FAM135B: variants seen among roughly 807,000 people sequenced by gnomAD.
The protein encoded by FAM135B is family with sequence similarity 135 member B, also known as protein FAM135B.
FAM135B carries 43 observed loss-of-function variants against 127.7 expected under a neutral mutation model. The ratio of observed to expected loss-of-function variants is 0.34; its 90% confidence interval spans 0.26 to 0.43. The LOEUF (loss-of-function observed/expected upper bound fraction) is 0.43, where lower values mean the gene tolerates loss of function less well. FAM135B is among the 20% of genes least tolerant of loss of function. The pLI, the probability that FAM135B is intolerant of heterozygous loss-of-function variation, is 1.00. For synonymous variants in FAM135B, 670 were observed against 665.1 expected (o/e 1.01, Z -0.11); for missense variants, 1,558 against 1,725.6 (o/e 0.90, Z 1.72).
At chr8:138,307,236 G>T (rs899531080) in intron 3 of FAM135B, among the ~76,000 whole-genome samples, 5 of 152,158 alleles carry the variant, frequency 3.3e-5, no homozygotes, top group Non-Finnish European at 7.4e-5. Flanking sequence ...TTAAAAAGAG[G>T]AGTTCTCCTA....
chr8:138,415,813 A>T (rs1834112037), intron 1 of FAM135B, among the ~76,000 whole-genome samples: 1 of 152,148 alleles, frequency 6.6e-6, no homozygotes. Context: ...AGTTGCTCTG[A>T]TCCTTCACAT....
At chr8:138,201,694 T>A (rs1817133190) in intron 7 of FAM135B, among the ~76,000 whole-genome samples, 1 of 152,062 alleles carries the variant, frequency 6.6e-6, no homozygotes, top group Non-Finnish European at 1.5e-5. Flanking sequence ...TTAGCAACAC[T>A]CTTCAGCAAT....
chr8:138,457,268 T>C (rs1836840005), intron 1 of FAM135B, among the ~76,000 whole-genome samples: 2 of 151,922 alleles, frequency 1.3e-5, no homozygotes, highest in Non-Finnish European at 2.9e-5. Context: ...TCTCCAACAC[T>C]GAGCAGGAGT....
At chr8:138,183,932 C>T (rs1161128872) in intron 9 of FAM135B, among the ~76,000 whole-genome samples, 1 of 152,202 alleles carries the variant, frequency 6.6e-6, no homozygotes, top group Non-Finnish European at 1.5e-5. Context: ...ATAAATAGAA[C>T]TCAGTCCCTT....
chr8:138,455,175 C>T (rs1310983926), intron 1 of FAM135B, among the ~76,000 whole-genome samples: 3 of 152,132 alleles, frequency 2.0e-5, no homozygotes, highest in Admixed American at 6.5e-5. Context: ...ATGTTGCTGG[C>T]ACATAGGACC....
chr8:138,346,617 T>A (rs1235394312), intron 2 of FAM135B, among the ~76,000 whole-genome samples: 1 of 151,888 alleles, frequency 6.6e-6, no homozygotes, highest in East Asian at 1.9e-4. Context: ...AGCTGAGCAA[T>A]GAGAACACAT....
intron 7 of FAM135B, among the ~76,000 whole-genome samples, chr8:138,223,409 C>T (rs1819180677): frequency 6.6e-6 from 1 of 152,062 alleles, no homozygotes; most frequent in Non-Finnish European, 1.5e-5. Flanking sequence ...TATTTGGGTC[C>T]CAAAGAAGGG....
intron 10 of FAM135B, 143 bp downstream of exon 10, chr8:138,178,392 C>G (rs1040064823): frequency 2.3e-6 from 2 of 885,374 alleles, no homozygotes; most frequent in Non-Finnish European, 3.4e-6. Flanking sequence ...AAGTTCACAA[C>G]GCCACCCTGC....
intron 2 of FAM135B, among the ~76,000 whole-genome samples, chr8:138,356,121 G>C (rs1178259767): frequency 1.3e-5 from 2 of 152,134 alleles, no homozygotes; most frequent in East Asian, 1.9e-4. Context: ...CTGGTATCTT[G>C]ATCTTGGACT....
intron 15 of FAM135B, among the ~76,000 whole-genome samples, chr8:138,143,547 T>C (rs946459150): frequency 6.6e-6 from 1 of 152,096 alleles, no homozygotes; most frequent in Non-Finnish European, 1.5e-5. Flanking sequence ...CTTTAGAGTA[T>C]GCAGTCAGCT....
At chr8:138,160,964 A>G (rs1192255043) in intron 12 of FAM135B, among the ~76,000 whole-genome samples, 1 of 152,182 alleles carries the variant, frequency 6.6e-6, no homozygotes, top group African/African-American at 2.4e-5. Flanking sequence ...TGACATTGCC[A>G]TTTACCAGCG....
At chr8:138,386,762 CATG>C (rs1339586849) in intron 1 of FAM135B, among the ~76,000 whole-genome samples, 1 of 152,192 alleles carries the variant, frequency 6.6e-6, no homozygotes, top group African/African-American at 2.4e-5. Flanking sequence ...CCTCCCTGGT[CATG>C]ATGAGACCGC....
At chr8:138,354,278 G>A (rs1169495792) in intron 2 of FAM135B, among the ~76,000 whole-genome samples, 1 of 151,960 alleles carries the variant, frequency 6.6e-6, no homozygotes, top group Non-Finnish European at 1.5e-5. Flanking sequence ...AATCTCCCTG[G>A]AATCTGGCTA....
chr8:138,474,609 T>C (rs1814288638), intron 1 of FAM135B, among the ~76,000 whole-genome samples: 1 of 152,190 alleles, frequency 6.6e-6, no homozygotes, highest in Admixed American at 6.5e-5. Flanking sequence ...ATGCCTTTCC[T>C]ACACACAGTC....
intron 7 of FAM135B, among the ~76,000 whole-genome samples, chr8:138,233,079 C>T (rs964434315): frequency 5.3e-5 from 8 of 152,026 alleles, no homozygotes; most frequent in African/African-American, 1.9e-4. Flanking sequence ...GAGCATAGTC[C>T]TAAAATTCAT....
chr8:138,480,160 A>C, intron 1 of FAM135B, among the ~76,000 whole-genome samples: 1 of 152,134 alleles, frequency 6.6e-6, no homozygotes, highest in Non-Finnish European at 1.5e-5. Context: ...CATTCTTAAC[A>C]ATTTAATTTC....
At chr8:138,178,442 G>A (rs770961387) in intron 10 of FAM135B, 93 bp downstream of exon 10, 10 of 1,453,860 alleles carry the variant, frequency 6.9e-6, no homozygotes, top group Non-Finnish European at 9.5e-6. Flanking sequence ...AGATCTAGAG[G>A]CCAATCCTAA....
chr8:138,217,432 C>CTTTTTTTTT (rs538347463), intron 7 of FAM135B, among the ~76,000 whole-genome samples: 1 of 129,268 alleles, frequency 7.7e-6, no homozygotes, highest in African/African-American at 3.0e-5. Flanking sequence ...TGATATATTT[C>CTTTTTTTTT]TTTTTTTTTT....
At chr8:138,153,928 GAA>G (rs1444223552) in intron 12 of FAM135B, among the ~76,000 whole-genome samples, 1 of 152,216 alleles carries the variant, frequency 6.6e-6, no homozygotes, top group Non-Finnish European at 1.5e-5. Flanking sequence ...TGACAGCTTT[GAA>G]GAGAGTAGTG....
Sources: allele counts gnomAD v4.1 joint callset (sites outside exome capture counted in the v4.1 genomes callset), GRCh38; gene constraint gnomAD v4.1.1; transcripts MANE v1.5; gene names NCBI Gene and HGNC (gene_info 2026-07-23, HGNC 2026-07-21).